The following ANO10 variants were observed in gnomAD, a reference collection of about 807,000 sequenced individuals.
ANO10 encodes anoctamin 10.
Under a neutral mutation model 74.7 loss-of-function variants are expected in ANO10, and 77 were observed. The ratio of observed to expected loss-of-function variants is 1.03; its 90% CI spans 0.86 to 1.25. The LOEUF (loss-of-function observed/expected upper bound fraction) is 1.25, where lower values mean the gene tolerates loss of function less well. Among genes scored for constraint, ANO10 ranks in the 50% most tolerant of loss-of-function variants. ANO10 has a pLI of 0.00. For missense variants in ANO10, 721 were observed against 778.1 expected, an observed-to-expected ratio of 0.93 and a Z score of 0.87; for synonymous variants, 279 against 284.9, an observed-to-expected ratio of 0.98 and a Z score of 0.21.
At chr3:43,393,067 G>C (rs1452203790) in intron 12 of ANO10, among the ~76,000 whole-genome samples, 1 of 152,200 alleles carries the variant, frequency 6.6e-6, no homozygotes, top group African/African-American at 2.4e-5. Context: ...CTCTCCCTGA[G>C]AGAGACCATG....
chr3:43,407,065 G>A (rs1270981733), intron 12 of ANO10, among the ~76,000 whole-genome samples: 4 of 151,950 alleles, frequency 2.6e-5, no homozygotes, highest in Non-Finnish European at 4.4e-5. Context: ...CACCACACCC[G>A]GCTAATTTTT....
chr3:43,456,905 C>A (rs2075154744), intron 11 of ANO10, among the ~76,000 whole-genome samples: 1 of 152,166 alleles, frequency 6.6e-6, no homozygotes, highest in Non-Finnish European at 1.5e-5. Flanking sequence ...TTACAACTTT[C>A]TTGTATTTGT....
At chr3:43,512,085 A>G (rs546018669) in intron 11 of ANO10, among the ~76,000 whole-genome samples, 2 of 150,020 alleles carry the variant, frequency 1.3e-5, no homozygotes, top group South Asian at 2.1e-4. Flanking sequence ...GGAGCCCCGG[A>G]TGTGGGGACT....
At chr3:43,463,807 G>C (rs976671251) in intron 11 of ANO10, among the ~76,000 whole-genome samples, 6 of 152,182 alleles carry the variant, frequency 3.9e-5, no homozygotes, top group Non-Finnish European at 5.9e-5. Flanking sequence ...TGAAATGAGA[G>C]GATGTGAGAT....
chr3:43,663,229 T>C (rs575380202), intron 1 of ANO10, among the ~76,000 whole-genome samples: 22 of 152,204 alleles, frequency 1.4e-4, no homozygotes, highest in Non-Finnish European at 1.9e-4. Flanking sequence ...GATGCAAGAC[T>C]GGTTCAACAT....
intron 12 of ANO10, among the ~76,000 whole-genome samples, chr3:43,393,687 C>G (rs1481780723): frequency 6.6e-6 from 1 of 152,104 alleles, no homozygotes; most frequent in Non-Finnish European, 1.5e-5. Context: ...ATTTTCATTT[C>G]TTTTTTATTC....
chr3:43,587,596 G>T (rs1234978122), intron 4 of ANO10, among the ~76,000 whole-genome samples: 1 of 152,182 alleles, frequency 6.6e-6, no homozygotes, highest in Non-Finnish European at 1.5e-5. Flanking sequence ...TGACCGTAAA[G>T]CACTGCTTCT....
upstream of ANO10, among the ~76,000 whole-genome samples, chr3:43,623,916 A>G (rs1406229872): frequency 6.6e-6 from 1 of 152,194 alleles, no homozygotes; most frequent in Admixed American, 6.5e-5. Flanking sequence ...ATTACTCCTT[A>G]GACTTTTGTT....
intron 1 of ANO10, among the ~76,000 whole-genome samples, chr3:43,664,362 C>T (rs1271636711): frequency 6.6e-6 from 1 of 152,056 alleles, no homozygotes; most frequent in Non-Finnish European, 1.5e-5. Flanking sequence ...CTTCCTTACA[C>T]CTTATATAAA....
chr3:43,633,467 C>T (rs1214014316), intron 1 of ANO10, among the ~76,000 whole-genome samples: 4 of 152,140 alleles, frequency 2.6e-5, no homozygotes, highest in African/African-American at 7.2e-5. Context: ...AGGGAAGAGG[C>T]TAAATGGCTA....
rs553838466 is a variant in ANO10 at position 43,391,439 on chromosome 3, T to C, written c.1915-24465A>G. Among the ~76,000 whole-genome samples, 4 of 152,312 alleles carry C rather than the reference T, an allele frequency of 2.6e-5. No individual in the cohort carries two copies. The South Asian group carries it at 8.3e-4, about 32-fold the overall frequency. Reference sequence around the variant, plus strand: ...ACAGAACACTACCATATAAGAAGTATTCAACTTTGCTGAATTTAGGGTTTA... The same window carrying C: ...ACAGAACACTACCATATAAGAAGTACTCAACTTTGCTGAATTTAGGGTTTA... On this transcript the variant is annotated intron_variant, in intron 12 of 12. Transcript: ENST00000292246.
intron 1 of ANO10, among the ~76,000 whole-genome samples, chr3:43,688,291 C>T (rs2084300517): frequency 6.6e-6 from 1 of 152,176 alleles, no homozygotes; most frequent in Non-Finnish European, 1.5e-5. Context: ...GGACTCAGTA[C>T]CACTGGGCTT....
At position 43,366,515 on chromosome 3, in the gene ANO10, C is replaced by T; in HGVS notation, c.*391G>A. ...GAGCACAGTGGGCACACACCCCATC[C>T]CCAACCTGTCCACGGGTCCCTGGGC... On this transcript the variant is annotated 3_prime_UTR_variant, in exon 13 of 13. Coordinates refer to ENST00000292246, the MANE Select transcript of ANO10 (RefSeq NM_018075.5). 2.7e-6 allele frequency: 1 copy of T among 369,656 alleles called. No homozygotes were observed. Among genetic ancestry groups the T allele is most frequent in the Non-Finnish European group, 5.2e-6 (1 of 191,366 alleles). The allele number at this position is 369,656 out of a possible 1,614,324, so 22.9% of individuals were successfully genotyped here. A position where few individuals can be genotyped will look rare whatever the true frequency, so the allele number is the denominator to read the frequency against.
intron 11 of ANO10, among the ~76,000 whole-genome samples, chr3:43,518,881 T>A (rs1319976108): frequency 1.3e-5 from 2 of 152,142 alleles, no homozygotes; most frequent in South Asian, 2.1e-4. Flanking sequence ...CAATTCTAAT[T>A]TCGCCCTGGT....
intron 12 of ANO10, among the ~76,000 whole-genome samples, chr3:43,417,514 A>C (rs2092759321): frequency 6.6e-6 from 1 of 151,998 alleles, no homozygotes; most frequent in Non-Finnish European, 1.5e-5. Flanking sequence ...CCCCTCTCTT[A>C]CTAGAGAGAG....
At chr3:43,407,397 T>C (rs1366429798) in intron 12 of ANO10, among the ~76,000 whole-genome samples, 2 of 152,156 alleles carry the variant, frequency 1.3e-5, no homozygotes, top group Non-Finnish European at 2.9e-5. Flanking sequence ...GACTGCCAAA[T>C]TGATCGCAGG....
intron 11 of ANO10, among the ~76,000 whole-genome samples, chr3:43,491,660 T>A (rs2149119164): frequency 6.6e-6 from 1 of 152,236 alleles, no homozygotes; most frequent in African/African-American, 2.4e-5. Context: ...TAACTCCTGC[T>A]CTAAAACTTG....
At chr3:43,428,201 C>T (rs144145701) in intron 12 of ANO10, among the ~76,000 whole-genome samples, 159 of 152,070 alleles carry the variant, frequency 1.0e-3, no homozygotes, top group Middle Eastern at 0.01. Context: ...AGGTGTGTGC[C>T]ACCATACCCA....
At chr3:43,592,226 G>A (rs568533056) in intron 4 of ANO10, among the ~76,000 whole-genome samples, 46 of 152,324 alleles carry the variant, frequency 3.0e-4, no homozygotes, top group African/African-American at 9.4e-4. Context: ...AAACGTCCCT[G>A]TCTGACAGCT....
Sources: gnomAD v4.1 joint callset for allele counts (sites outside exome capture counted in the v4.1 genomes callset) on GRCh38, gnomAD v4.1.1 for gene constraint, MANE v1.5 for transcripts, NCBI Gene and HGNC (gene_info 2026-07-23, HGNC 2026-07-21) for gene names.